The following SUGCT variants were observed in gnomAD, a reference collection of about 807,000 sequenced individuals.
The protein encoded by SUGCT is succinyl-CoA:glutarate CoA-transferase.
A neutral mutation model predicts 55.0 loss-of-function variants in SUGCT; 41 were observed. That is an observed-to-expected ratio of 0.74 (90% CI 0.58 to 0.97). The LOEUF (loss-of-function observed/expected upper bound fraction) is 0.97. Ranked by LOEUF, SUGCT falls within the 50% of genes least tolerant of loss-of-function variation. The pLI is 0.00. For missense variants in SUGCT, 568 were observed against 547.8 expected (o/e 1.04, Z -0.37); for synonymous variants, 187 against 200.4 (o/e 0.93, Z 0.56).
intron 13 of SUGCT, among the ~76,000 whole-genome samples, chr7:40,801,351 G>C (rs538606381): frequency 2.6e-5 from 4 of 152,186 alleles, no homozygotes; most frequent in African/African-American, 4.8e-5. Context: ...CATCTTGTGG[G>C]GGGGAGGTCT....
At chr7:40,554,941 C>T (rs1301116030) in intron 12 of SUGCT, among the ~76,000 whole-genome samples, 1 of 152,150 alleles carries the variant, frequency 6.6e-6, no homozygotes, top group African/African-American at 2.4e-5. Flanking sequence ...TTCTGCATAT[C>T]CTGGCCCATG....
At chr7:40,379,365 A>G (rs1784760483) in intron 9 of SUGCT, among the ~76,000 whole-genome samples, 1 of 152,100 alleles carries the variant, frequency 6.6e-6, no homozygotes, top group Non-Finnish European at 1.5e-5. Flanking sequence ...AACATCTGGC[A>G]CTCCTCAAGG....
chr7:40,135,499 C>A (rs953195242), intron 1 of SUGCT, among the ~76,000 whole-genome samples: 2 of 152,260 alleles, frequency 1.3e-5, no homozygotes, highest in African/African-American at 4.8e-5. Context: ...AATAACTTGA[C>A]ACTTCATGTA....
At chr7:40,522,184 T>C (rs995004970) in intron 12 of SUGCT, among the ~76,000 whole-genome samples, 4 of 152,128 alleles carry the variant, frequency 2.6e-5, no homozygotes, top group African/African-American at 4.8e-5. Context: ...CTTGTTCACC[T>C]TGGCAGCAGC....
intron 12 of SUGCT, among the ~76,000 whole-genome samples, chr7:40,561,660 G>T (rs896526718): frequency 6.7e-6 from 1 of 150,092 alleles, no homozygotes; most frequent in Non-Finnish European, 1.5e-5. Context: ...CGGATGATTC[G>T]CCAGAGGTGG....
intron 13 of SUGCT, among the ~76,000 whole-genome samples, chr7:40,825,575 T>G (rs2128771254): frequency 6.6e-6 from 1 of 152,296 alleles, no homozygotes; most frequent in Non-Finnish European, 1.5e-5. Flanking sequence ...TTCTTCAAAG[T>G]CCTAACCCCT....
At chr7:40,242,879 A>G (rs1341058144) in intron 7 of SUGCT, among the ~76,000 whole-genome samples, 2 of 130,650 alleles carry the variant, frequency 1.5e-5, no homozygotes, top group East Asian at 5.0e-4. Flanking sequence ...AAATGAGTAA[A>G]TGAATATCTG....
chr7:40,863,678 C>T (rs571982356), downstream of SUGCT, among the ~76,000 whole-genome samples: 39 of 152,236 alleles, frequency 2.6e-4, 1 homozygote, highest in South Asian at 7.0e-3. Context: ...TTTTCAAACC[C>T]ATTGCCCAAG....
At chr7:40,581,894 A>G (rs1336168333) in intron 12 of SUGCT, among the ~76,000 whole-genome samples, 1 of 152,234 alleles carries the variant, frequency 6.6e-6, no homozygotes, top group African/African-American at 2.4e-5. Context: ...GAAATTAAAT[A>G]GAAGAGACTA....
chr7:40,819,290 G>T (rs1340478303), intron 13 of SUGCT, among the ~76,000 whole-genome samples: 1 of 152,108 alleles, frequency 6.6e-6, no homozygotes, highest in Non-Finnish European at 1.5e-5. Context: ...GTTTGGCTGG[G>T]TCAAATGGTA....
chr7:40,898,265 C>T, the SUGCT span, among the ~76,000 whole-genome samples: 1 of 152,138 alleles, frequency 6.6e-6, no homozygotes, highest in Non-Finnish European at 1.5e-5. Flanking sequence ...AGAGATACCA[C>T]AAACCCACCA....
intron 12 of SUGCT, among the ~76,000 whole-genome samples, chr7:40,665,432 AAAAT>A (rs59090658): frequency 0.054 from 7,590 of 140,424 alleles, 223 homozygotes; most frequent in East Asian, 0.15. Flanking sequence ...TCTATCTCAA[AAAAT>A]AAATAAATAA....
At chr7:40,496,015 G>T (rs1393738447) in intron 11 of SUGCT, among the ~76,000 whole-genome samples, 1 of 152,132 alleles carries the variant, frequency 6.6e-6, no homozygotes, top group East Asian at 1.9e-4. Flanking sequence ...TTCATAAATT[G>T]CTCAGAGAGT....
rs187801014 is a variant in SUGCT, at chr7:40,526,588, G to T, written c.1089+30202G>T. 3.8e-3 allele frequency among the ~76,000 whole-genome samples: 572 copies of T among 152,252 alleles called. 2 individuals are homozygous for T. The highest frequency in any genetic ancestry group is 0.013 in the African/African-American group (543 of 41,540). Reference sequence around the variant, plus strand: ...CCCAGTGACGTTGATGCTGCTGTTTGGGATCAAACGTTGAGAACCAGTGGT... The same window carrying T: ...CCCAGTGACGTTGATGCTGCTGTTTTGGATCAAACGTTGAGAACCAGTGGT... On this transcript the variant is annotated intron_variant, in intron 12 of 13. Transcript: ENST00000335693.
chr7:40,992,091 C>T, the SUGCT span, among the ~76,000 whole-genome samples: 21 of 152,160 alleles, frequency 1.4e-4, no homozygotes, highest in Admixed American at 3.3e-4. Context: ...AGAGCAGCCC[C>T]GAGGGCTACT....
intron 12 of SUGCT, among the ~76,000 whole-genome samples, chr7:40,515,011 A>G (rs1313767897): frequency 1.3e-5 from 2 of 152,210 alleles, no homozygotes; most frequent in Non-Finnish European, 1.5e-5. Flanking sequence ...CAATAATTAC[A>G]TCTTATATAA....
At chr7:40,393,597 A>G (rs1785558517) in intron 9 of SUGCT, among the ~76,000 whole-genome samples, 1 of 152,082 alleles carries the variant, frequency 6.6e-6, no homozygotes, top group Admixed American at 6.6e-5. Flanking sequence ...GCAGATTTCT[A>G]GGTTATGGGA....
intron 13 of SUGCT, among the ~76,000 whole-genome samples, chr7:40,767,761 G>C (rs185929220): frequency 1.3e-5 from 2 of 152,316 alleles, no homozygotes; most frequent in Admixed American, 1.3e-4. Context: ...AGAGGCTTCA[G>C]GTAAATCCTT....
intron 9 of SUGCT, among the ~76,000 whole-genome samples, chr7:40,412,059 C>T (rs1239919133): frequency 1.3e-5 from 2 of 152,174 alleles, no homozygotes; most frequent in African/African-American, 4.8e-5. Flanking sequence ...AATGTTCTTT[C>T]TTCGGCTGGG....
Sources: allele counts gnomAD v4.1 joint callset (sites outside exome capture counted in the v4.1 genomes callset), GRCh38; gene constraint gnomAD v4.1.1; transcripts MANE v1.5; gene names NCBI Gene and HGNC (gene_info 2026-07-23, HGNC 2026-07-21).